The following ATXN2 variants were observed in gnomAD, a reference collection of about 807,000 sequenced individuals.
ATXN2 encodes ataxin 2.
Under a neutral mutation model 138.6 loss-of-function variants are expected in ATXN2, and 37 were observed. The observed-to-expected ratio is 0.27, with a 90% CI of 0.21 to 0.35. The LOEUF (loss-of-function observed/expected upper bound fraction) is 0.35. Among genes scored for constraint, ATXN2 ranks in the 10% least tolerant of loss-of-function variants. The pLI is 1.00. For synonymous variants in ATXN2, 549 were observed against 543.7 expected, an observed-to-expected ratio of 1.01 and a Z score of -0.13; for missense variants, 1,216 against 1,480.3, an observed-to-expected ratio of 0.82 and a Z score of 2.93.
chr12:111,579,258 A>G (rs1883850329), intron 1 of ATXN2, among the ~76,000 whole-genome samples: 1 of 152,064 alleles, frequency 6.6e-6, no homozygotes, highest in Non-Finnish European at 1.5e-5. Context: ...TATTCATACC[A>G]GCTTTATTTA....
chr12:111,470,518 T>C, intron 19 of ATXN2, 40 bp downstream of exon 19: 1 of 1,592,690 alleles, frequency 6.3e-7, no homozygotes. Flanking sequence ...AGTTTTTTTA[T>C]ATGGTACAAA....
intron 8 of ATXN2, among the ~76,000 whole-genome samples, chr12:111,518,869 A>T (rs1880001106): frequency 6.6e-6 from 1 of 152,154 alleles, no homozygotes; most frequent in Admixed American, 6.6e-5. Flanking sequence ...AACATCTATC[A>T]GTGGACATGT....
intron 20 of ATXN2, 161 bp downstream of exon 20, chr12:111,469,947 T>G (rs1395831071): frequency 2.4e-6 from 2 of 832,086 alleles, no homozygotes; most frequent in Non-Finnish European, 3.5e-6. Flanking sequence ...TGCCAAAAGT[T>G]ATAAAGCAAG....
At chr12:111,560,043 G>A (rs547691598) in intron 1 of ATXN2, among the ~76,000 whole-genome samples, 74 of 152,116 alleles carry the variant, frequency 4.9e-4, no homozygotes, top group African/African-American at 1.3e-3. Context: ...GGACTCCTCT[G>A]TGGATTGGAA....
chr12:111,465,564 G>A (rs1387071010), intron 20 of ATXN2, among the ~76,000 whole-genome samples: 2 of 151,898 alleles, frequency 1.3e-5, no homozygotes, highest in Non-Finnish European at 2.9e-5. Flanking sequence ...AAGGTCAGAA[G>A]TTCGAGATCA....
chr12:111,559,894 A>C, intron 1 of ATXN2, among the ~76,000 whole-genome samples: 1 of 152,198 alleles, frequency 6.6e-6, no homozygotes, highest in Non-Finnish European at 1.5e-5. Context: ...TCTCTTCCCA[A>C]AGAAATTTCA....
chr12:111,503,140 A>G (rs1325378547), intron 14 of ATXN2, among the ~76,000 whole-genome samples: 1 of 152,236 alleles, frequency 6.6e-6, no homozygotes, highest in Non-Finnish European at 1.5e-5. Flanking sequence ...CAACAAACAC[A>G]CAAGGTATTT....
intron 14 of ATXN2, among the ~76,000 whole-genome samples, chr12:111,507,041 T>A (rs1194037062): frequency 3.3e-5 from 5 of 152,148 alleles, no homozygotes; most frequent in African/African-American, 1.2e-4. Context: ...CCACCTGCCT[T>A]GGCCTCCCAA....
intron 3 of ATXN2, among the ~76,000 whole-genome samples, 189 bp downstream of exon 3, chr12:111,553,969 C>T (rs1285544057): frequency 6.6e-6 from 1 of 151,968 alleles, no homozygotes. Context: ...ATGCAGAGGA[C>T]CAACTGTACT....
intron 14 of ATXN2, among the ~76,000 whole-genome samples, chr12:111,497,491 G>A (rs192056938): frequency 2.6e-5 from 4 of 152,082 alleles, no homozygotes; most frequent in African/African-American, 7.2e-5. Flanking sequence ...CTAGCAAACC[G>A]AATTCAGTAA....
chr12:111,558,622 AC>A (rs1882511199), intron 1 of ATXN2, among the ~76,000 whole-genome samples: 2 of 151,992 alleles, frequency 1.3e-5, no homozygotes, highest in South Asian at 2.1e-4. Flanking sequence ...ACAAAGCAAA[AC>A]CCTGTTTCTA....
At position 111,486,753 on chromosome 12, in the gene ATXN2, A is replaced by G. The variant is rs926278080; in HGVS notation, c.2304+8T>C. 3.7e-6 allele frequency: 6 copies of G among 1,605,382 alleles called. No individual in the cohort carries two copies. Among genetic ancestry groups the G allele is most frequent in the Admixed American group, 1.7e-5 (1 of 59,622 alleles). On this transcript the variant is annotated splice_region_variant and intron_variant, in intron 16 of 24. Transcript: ENST00000673436. ...ACTAGATAACCTCAAAGAAAGTAAT[A>G]AACCTACCTGAGAGAAGGAACGTGG...
intron 1 of ATXN2, among the ~76,000 whole-genome samples, chr12:111,560,282 T>G (rs1010936917): frequency 6.6e-6 from 1 of 152,128 alleles, no homozygotes; most frequent in African/African-American, 2.4e-5. Context: ...TTACCTAGTG[T>G]TTACACCATA....
intron 20 of ATXN2, 44 bp from the exon 21 acceptor site, chr12:111,464,759 G>C: frequency 1.3e-6 from 2 of 1,493,922 alleles, no homozygotes; most frequent in South Asian, 1.2e-5. Flanking sequence ...TTTGAGGTGT[G>C]CATTTTCCAA....
At chr12:111,509,461 G>A (rs1879372959) in intron 14 of ATXN2, 88 bp downstream of exon 14, 2 of 770,072 alleles carry the variant, frequency 2.6e-6, no homozygotes, top group African/African-American at 3.5e-5. Flanking sequence ...GTTTCTGACT[G>A]TATACATAAC....
In ATXN2 at chr12:111,453,895, C is replaced by G. The variant is rs895647431; in HGVS notation, c.3271-50G>C. ...ATACAGGCAACATCTCCGGCTTCAACAACATGTCAACTGTGTTCCTTTCAC... is the reference window on the plus strand; with the variant it reads ...ATACAGGCAACATCTCCGGCTTCAAGAACATGTCAACTGTGTTCCTTTCAC... On this transcript the variant is annotated intron_variant, in intron 23 of 24. Coordinates refer to ENST00000673436, the MANE Select transcript of ATXN2 (RefSeq NM_001372574.1). The surrounding 1 kb of genome is among the most constrained non-coding windows in gnomAD (Gnocchi z 5.4). 6.5e-7 allele frequency: 1 copy of G among 1,544,302 alleles called. No individual in the cohort carries two copies. The highest frequency in any genetic ancestry group is 8.8e-7 in the Non-Finnish European group (1 of 1,136,268).
At chr12:111,589,915 T>C (rs993446560) in intron 1 of ATXN2, among the ~76,000 whole-genome samples, 1 of 149,974 alleles carries the variant, frequency 6.7e-6, no homozygotes, top group Non-Finnish European at 1.5e-5. Flanking sequence ...CTAGAACCTG[T>C]CTCAAAAAAA....
At chr12:111,568,690 C>A (rs1470841330) in intron 1 of ATXN2, among the ~76,000 whole-genome samples, 2 of 152,140 alleles carry the variant, frequency 1.3e-5, no homozygotes, top group Non-Finnish European at 2.9e-5. Flanking sequence ...CAAACTACCC[C>A]CTCTACAGCA....
intron 5 of ATXN2, among the ~76,000 whole-genome samples, chr12:111,527,392 A>AT (rs914969789): frequency 1.7e-4 from 26 of 152,296 alleles, no homozygotes; most frequent in African/African-American, 5.1e-4. Flanking sequence ...TTCCAGATGG[A>AT]TTTTTTATTT....
Sources: gnomAD v4.1 joint callset for allele counts (sites outside exome capture counted in the v4.1 genomes callset) on GRCh38, gnomAD v4.1.1 for gene constraint, Gnocchi (gnomAD v3.1) non-coding constraint, MANE v1.5 for transcripts, NCBI Gene and HGNC (gene_info 2026-07-23, HGNC 2026-07-21) for gene names.